The following PDE10A variants were observed in gnomAD, a reference collection of about 807,000 sequenced individuals.
PDE10A encodes phosphodiesterase 10A.
In PDE10A, 39 loss-of-function variants were observed where a neutral mutation model predicts 97.7. The ratio of observed to expected loss-of-function variants is 0.40; its 90% CI spans 0.31 to 0.52. The LOEUF is 0.52. Among genes scored for constraint, PDE10A ranks in the 20% least tolerant of loss-of-function variants. The probability of loss-of-function intolerance (pLI) is 0.56; values close to 1 mark genes in which losing one functional copy is unlikely to be tolerated. For missense variants in PDE10A, 731 were observed against 1,047.8 expected (o/e 0.70, Z 4.17); for synonymous variants, 371 against 376.8 (o/e 0.98, Z 0.18).
At position 165,490,785 on chromosome 6, in the gene PDE10A, C is replaced by T. The variant is rs941568042; in HGVS notation, c.995-8442G>A. ...GCCTGGCCAACATGGGGAAACCCCA[C>T]GTCTACTAAAAATACACATATTAGC... On this transcript the variant is annotated intron_variant, in intron 2 of 21. Transcript: ENST00000539869. 4.6e-5 allele frequency among the ~76,000 whole-genome samples: 7 copies of T among 152,128 alleles called. 1 individual carries two copies. In the South Asian group the frequency reaches 8.3e-4, roughly 18 times the overall value.
intron 1 of PDE10A, among the ~76,000 whole-genome samples, chr6:165,644,633 T>C (rs1583703985): frequency 6.6e-6 from 1 of 152,152 alleles, no homozygotes; most frequent in Admixed American, 6.5e-5. Context: ...TCACAACATA[T>C]ACGTATATTG....
chr6:165,637,213 C>T (rs1204771398), intron 1 of PDE10A, among the ~76,000 whole-genome samples: 1 of 152,130 alleles, frequency 6.6e-6, no homozygotes, highest in African/African-American at 2.4e-5. Flanking sequence ...ACCCCAGGAC[C>T]GATGCACTTA....
intron 1 of PDE10A, among the ~76,000 whole-genome samples, chr6:165,686,277 C>T (rs1383915830): frequency 6.6e-6 from 1 of 152,158 alleles, no homozygotes; most frequent in Non-Finnish European, 1.5e-5. Flanking sequence ...AACCTTCAGA[C>T]TCTCCGGTCT....
chr6:165,377,469 T>C (rs183798416), intron 18 of PDE10A, among the ~76,000 whole-genome samples: 3 of 152,316 alleles, frequency 2.0e-5, no homozygotes, highest in Non-Finnish European at 2.9e-5. Flanking sequence ...TTTCAAGTTA[T>C]ATGTCAAAAA....
At chr6:165,684,723 A>G (rs73788721) in intron 1 of PDE10A, among the ~76,000 whole-genome samples, 197 of 152,364 alleles carry the variant, frequency 1.3e-3, no homozygotes, top group African/African-American at 4.4e-3. Flanking sequence ...TTCAAAGGTT[A>G]CATGCATATA....
rs191196531 is a variant in PDE10A at position 165,353,630 on chromosome 6, T to C, written c.2784-10128A>G. Among the ~76,000 whole-genome samples, 324 of 152,288 alleles carry C rather than the reference T, an allele frequency of 2.1e-3. 5 individuals carry two copies. Among genetic ancestry groups the C allele is most frequent in the Non-Finnish European group, 3.7e-3 (252 of 68,020 alleles). On this transcript the variant is annotated intron_variant, in intron 18 of 21. Transcript: ENST00000539869. Reference sequence around the variant, plus strand: ...ATATTACTTTGTGGAAAAAGCCAATTTGAAAGTCAACTACTCTATGATTCC... The same window carrying C: ...ATATTACTTTGTGGAAAAAGCCAATCTGAAAGTCAACTACTCTATGATTCC...
intron 1 of PDE10A, among the ~76,000 whole-genome samples, chr6:165,864,406 A>G (rs979022159): frequency 6.6e-6 from 1 of 152,246 alleles, no homozygotes; most frequent in Non-Finnish European, 1.5e-5. Flanking sequence ...ACTATGATCT[A>G]TCCTCCTCTC....
At chr6:165,461,314 T>C in intron 3 of PDE10A, among the ~76,000 whole-genome samples, 1 of 152,204 alleles carries the variant, frequency 6.6e-6, no homozygotes. Flanking sequence ...TGAGCAAGAC[T>C]GTAAATGGCT....
At chr6:165,915,004 C>T (rs1381581010) in intron 1 of PDE10A, among the ~76,000 whole-genome samples, 1 of 152,156 alleles carries the variant, frequency 6.6e-6, no homozygotes, top group Non-Finnish European at 1.5e-5. Context: ...GAAACACTGT[C>T]CCATGCACAT....
intron 1 of PDE10A, among the ~76,000 whole-genome samples, chr6:165,738,972 A>G (rs1238716488): frequency 6.6e-6 from 1 of 152,262 alleles, no homozygotes; most frequent in African/African-American, 2.4e-5. Flanking sequence ...ACTACAGAAC[A>G]TTGATAAAAG....
chr6:165,697,719 G>A (rs907881583), intron 1 of PDE10A, among the ~76,000 whole-genome samples: 3 of 152,300 alleles, frequency 2.0e-5, no homozygotes, highest in South Asian at 4.2e-4. Context: ...TAGATGGGGC[G>A]ATTGGAAGTA....
chr6:165,585,780 T>C (rs994612863), intron 1 of PDE10A, among the ~76,000 whole-genome samples: 2 of 152,136 alleles, frequency 1.3e-5, no homozygotes, highest in Non-Finnish European at 2.9e-5. Context: ...CTAATATAGG[T>C]GCTTAACAAT....
In PDE10A at chr6:165,628,832, TTG is replaced by T. The variant is rs556937022; in HGVS notation, c.865+33113_865+33114del. On this transcript the variant is annotated intron_variant, in intron 1 of 21. Coordinates refer to ENST00000539869, the MANE Select transcript of PDE10A (RefSeq NM_001385079.1). ...TCCAGATTTATAGATAATTGAGATT[TTG>T]TGATAGCATTTTTTCATATAAAAAA... is the stretch of plus-strand genomic sequence containing the variant. 1.9e-3 allele frequency among the ~76,000 whole-genome samples: 283 copies of T among 152,294 alleles called. 1 individual carries two copies. The highest frequency in any genetic ancestry group is 6.5e-3 in the African/African-American group (269 of 41,564).
At chr6:165,597,464 T>C (rs754667578) in intron 1 of PDE10A, among the ~76,000 whole-genome samples, 3 of 152,186 alleles carry the variant, frequency 2.0e-5, no homozygotes, top group Non-Finnish European at 4.4e-5. Flanking sequence ...CCCAAGCATT[T>C]TCCTATGTAA....
chr6:165,881,676 A>C (rs967143339), intron 1 of PDE10A, among the ~76,000 whole-genome samples: 23 of 151,578 alleles, frequency 1.5e-4, no homozygotes, highest in African/African-American at 5.3e-4. Flanking sequence ...CTGGGCTCAC[A>C]GGCATGAGCC....
chr6:165,942,652 A>C (rs1176711626), intron 1 of PDE10A, among the ~76,000 whole-genome samples: 1 of 152,020 alleles, frequency 6.6e-6, no homozygotes, highest in East Asian at 1.9e-4. Flanking sequence ...TTCCATTCAA[A>C]TCCCACTGGA....
At chr6:165,497,876 C>T (rs1296474524) in intron 2 of PDE10A, among the ~76,000 whole-genome samples, 2 of 152,108 alleles carry the variant, frequency 1.3e-5, no homozygotes, top group Admixed American at 1.3e-4. Flanking sequence ...TAAATGTAAA[C>T]TCTGTCGACA....
intron 1 of PDE10A, among the ~76,000 whole-genome samples, chr6:165,555,379 A>G (rs554250860): frequency 6.6e-6 from 1 of 152,280 alleles, no homozygotes; most frequent in East Asian, 1.9e-4. Context: ...CCCCATAAAC[A>G]AAAGATGGGC....
In PDE10A at chr6:165,816,238, T is replaced by C. The variant is rs371199224; in HGVS notation, c.-615+171291A>G. ...TGCTGGGATTACAGGCGTGAGCCAC[T>C]GCGCCTGGCCCAGGCTCATATTTTC... On this transcript the variant is annotated intron_variant, in intron 1 of 19. Transcript: ENST00000366882. Among the ~76,000 whole-genome samples, 30 of 152,358 alleles carry C rather than the reference T, an allele frequency of 2.0e-4. 1 individual carries two copies. In the East Asian group the frequency reaches 5.2e-3, roughly 26 times the overall value.
Sources: gnomAD v4.1 joint callset for allele counts (sites outside exome capture counted in the v4.1 genomes callset) on GRCh38, gnomAD v4.1.1 for gene constraint, MANE v1.5 for transcripts, NCBI Gene and HGNC (gene_info 2026-07-23, HGNC 2026-07-21) for gene names.